NRXN3: variants seen among roughly 807,000 people sequenced by gnomAD.
The protein encoded by NRXN3 is neurexin 3, also known as neurexin III.
A neutral mutation model predicts 137.6 loss-of-function variants in NRXN3; 32 were observed. That is an observed-to-expected ratio of 0.23 (90% CI 0.18 to 0.31). The LOEUF (loss-of-function observed/expected upper bound fraction) is 0.31, where lower values mean the gene tolerates loss of function less well. Among genes scored for constraint, NRXN3 ranks in the 10% least tolerant of loss-of-function variants. The probability of loss-of-function intolerance (pLI) is 1.00; values close to 1 mark genes in which losing one functional copy is unlikely to be tolerated. For synonymous variants in NRXN3, 798 were observed against 784.5 expected (o/e 1.02, Z -0.29); for missense variants, 1,574 against 2,062.5 (o/e 0.76, Z 4.59).
At chr14:79,035,466 C>T (rs2099614540) in intron 15 of NRXN3, among the ~76,000 whole-genome samples, 1 of 151,990 alleles carries the variant, frequency 6.6e-6, no homozygotes, top group South Asian at 2.1e-4. Context: ...AGAAAAGGTC[C>T]TATTTCTGTC....
At chr14:79,596,224 C>T (rs1415490494) in intron 16 of NRXN3, among the ~76,000 whole-genome samples, 1 of 152,004 alleles carries the variant, frequency 6.6e-6, no homozygotes, top group Non-Finnish European at 1.5e-5. Context: ...TGAGAAAGGT[C>T]ATTAAGGGTT....
At chr14:79,060,640 C>A (rs1216528777) in intron 15 of NRXN3, among the ~76,000 whole-genome samples, 1 of 152,128 alleles carries the variant, frequency 6.6e-6, no homozygotes, top group African/African-American at 2.4e-5. Context: ...AGAAAGCACA[C>A]ATTTTTGAGT....
chr14:78,256,690 C>T (rs1255461940), intron 2 of NRXN3, among the ~76,000 whole-genome samples: 2 of 152,250 alleles, frequency 1.3e-5, no homozygotes, highest in African/African-American at 4.8e-5. Flanking sequence ...ACATTGAGCT[C>T]ATATTCCTAG....
intron 4 of NRXN3, among the ~76,000 whole-genome samples, chr14:78,455,157 G>A (rs1395908217): frequency 2.6e-5 from 4 of 152,278 alleles, no homozygotes; most frequent in Admixed American, 1.3e-4. Flanking sequence ...ATCAAGTGTC[G>A]CAACTGCACT....
intron 3 of NRXN3, among the ~76,000 whole-genome samples, chr14:78,286,170 A>G (rs2075150726): frequency 6.6e-6 from 1 of 152,096 alleles, no homozygotes. Flanking sequence ...TGGAAAAATC[A>G]TTTGTGGTAT....
intron 20 of NRXN3, among the ~76,000 whole-genome samples, chr14:79,834,312 G>A (rs770394461): frequency 6.6e-6 from 1 of 151,942 alleles, no homozygotes; most frequent in Non-Finnish European, 1.5e-5. Flanking sequence ...TCTTACTTCT[G>A]TTTCTGCCAC....
intron 20 of NRXN3, among the ~76,000 whole-genome samples, chr14:79,837,573 C>T (rs1480228895): frequency 6.6e-6 from 1 of 152,200 alleles, no homozygotes; most frequent in Non-Finnish European, 1.5e-5. Flanking sequence ...ATCCCCATCT[C>T]TTTCTCCATC....
chr14:78,285,527 C>T (rs1376157636), intron 3 of NRXN3, among the ~76,000 whole-genome samples: 1 of 152,136 alleles, frequency 6.6e-6, no homozygotes, highest in African/African-American at 2.4e-5. Flanking sequence ...AATGCAAACC[C>T]TGGTAGGTGC....
chr14:78,437,639 C>CA (rs1282081121), intron 4 of NRXN3, among the ~76,000 whole-genome samples: 1 of 152,118 alleles, frequency 6.6e-6, no homozygotes, highest in Non-Finnish European at 1.5e-5. Flanking sequence ...GTGATGAGCC[C>CA]AGCCCATCCT....
chr14:78,937,335 A>T (rs976970517), intron 10 of NRXN3, among the ~76,000 whole-genome samples: 2 of 152,178 alleles, frequency 1.3e-5, no homozygotes, highest in Non-Finnish European at 2.9e-5. Flanking sequence ...ATAAATGTAC[A>T]TACCCCACCT....
chr14:79,118,284 A>T (rs988053080), intron 15 of NRXN3, among the ~76,000 whole-genome samples: 1 of 152,226 alleles, frequency 6.6e-6, no homozygotes, highest in Non-Finnish European at 1.5e-5. Context: ...AAGCTTCAGC[A>T]AAAAACAAGG....
At chr14:79,131,183 A>C (rs972812737) in intron 15 of NRXN3, among the ~76,000 whole-genome samples, 3 of 152,166 alleles carry the variant, frequency 2.0e-5, no homozygotes, top group African/African-American at 7.2e-5. Context: ...CAGCTCATCA[A>C]AGTCATTCTC....
At chr14:79,686,139 C>T (rs1389630405) in intron 17 of NRXN3, among the ~76,000 whole-genome samples, 1 of 151,964 alleles carries the variant, frequency 6.6e-6, no homozygotes, top group Non-Finnish European at 1.5e-5. Context: ...TAAAAATTAG[C>T]TGGGCATGAT....
intron 15 of NRXN3, among the ~76,000 whole-genome samples, chr14:79,372,657 T>C (rs968390912): frequency 6.6e-6 from 1 of 152,090 alleles, no homozygotes; most frequent in African/African-American, 2.4e-5. Flanking sequence ...TATGCTGGCT[T>C]TGATGCTTTT....
chr14:79,523,799 G>A (rs2097093421), intron 16 of NRXN3, among the ~76,000 whole-genome samples: 1 of 152,222 alleles, frequency 6.6e-6, no homozygotes, highest in African/African-American at 2.4e-5. Context: ...TAGACCCAGA[G>A]CAGATTAATA....
intron 8 of NRXN3, among the ~76,000 whole-genome samples, chr14:78,763,238 G>C (rs1413128124): frequency 2.0e-5 from 3 of 152,158 alleles, no homozygotes; most frequent in Non-Finnish European, 4.4e-5. Context: ...AGGCTTAACT[G>C]TAAAGGAAGA....
chr14:78,888,112 G>T (rs2099148732), intron 10 of NRXN3, among the ~76,000 whole-genome samples: 1 of 152,068 alleles, frequency 6.6e-6, no homozygotes, highest in South Asian at 2.1e-4. Flanking sequence ...ATTTCAGAAA[G>T]AACATTTGTG....
At chr14:78,175,614 T>A (rs1333949060) in intron 1 of NRXN3, among the ~76,000 whole-genome samples, 1 of 152,132 alleles carries the variant, frequency 6.6e-6, no homozygotes, top group Admixed American at 6.5e-5. Flanking sequence ...GAGGGCCAGC[T>A]CTGTTGCTCT....
chr14:78,915,768 G>C (rs1283381951), intron 10 of NRXN3, among the ~76,000 whole-genome samples: 1 of 151,980 alleles, frequency 6.6e-6, no homozygotes, highest in East Asian at 1.9e-4. Flanking sequence ...ATACAGAGGG[G>C]TAAAATTATG....
Sources: allele counts gnomAD v4.1 joint callset (sites outside exome capture counted in the v4.1 genomes callset), GRCh38; gene constraint gnomAD v4.1.1; transcripts MANE v1.5; gene names NCBI Gene and HGNC (gene_info 2026-07-23, HGNC 2026-07-21).